GABRG3: variants seen among roughly 807,000 people sequenced by gnomAD.
GABRG3 encodes gamma-aminobutyric acid receptor subunit gamma-3.
GABRG3 carries 25 observed loss-of-function variants against 48.8 expected under a neutral mutation model. That is an observed-to-expected ratio of 0.51 (90% CI 0.37 to 0.72). The LOEUF (loss-of-function observed/expected upper bound fraction) is 0.72. GABRG3 is among the 30% of genes least tolerant of loss of function. GABRG3 has a pLI of 0.00. For missense variants in GABRG3, 394 were observed against 577.9 expected (o/e 0.68, Z 3.26); for synonymous variants, 227 against 217.6 (o/e 1.04, Z -0.38).
At chr15:27,156,361 T>G (rs1898428675) in intron 3 of GABRG3, among the ~76,000 whole-genome samples, 1 of 151,818 alleles carries the variant, frequency 6.6e-6, no homozygotes. Context: ...GGATGCCCCT[T>G]TACTTGTCCT....
chr15:27,134,051 G>A (rs1897965620), intron 3 of GABRG3, among the ~76,000 whole-genome samples: 1 of 152,286 alleles, frequency 6.6e-6, no homozygotes, highest in East Asian at 1.9e-4. Flanking sequence ...GTAATTAAAT[G>A]CTTTGCTGTT....
chr15:27,024,754 C>A (rs1363004450), intron 2 of GABRG3, among the ~76,000 whole-genome samples: 1 of 152,158 alleles, frequency 6.6e-6, no homozygotes, highest in Non-Finnish European at 1.5e-5. Context: ...TGGCCGGGCA[C>A]AGTGGCTCAT....
intron 2 of GABRG3, among the ~76,000 whole-genome samples, chr15:27,003,152 GTTTTTATTTTTTTAT>G (rs1481216088): frequency 1.4e-5 from 2 of 147,394 alleles, no homozygotes; most frequent in Middle Eastern, 3.5e-3. Flanking sequence ...TCATGAAATA[GTTTTTATTTTTTTAT>G]TTTTTATTTT....
intron 3 of GABRG3, among the ~76,000 whole-genome samples, chr15:27,067,705 C>G (rs1896760800): frequency 6.6e-6 from 1 of 152,190 alleles, no homozygotes; most frequent in South Asian, 2.1e-4. Flanking sequence ...GCTTAGGCAC[C>G]TGGAACTTTA....
In GABRG3 at chr15:27,101,982, G is replaced by A. The variant is rs1166629492; in HGVS notation, c.270+75161G>A. Among the ~76,000 whole-genome samples, 7 of 152,064 alleles carry A rather than the reference G, an allele frequency of 4.6e-5. No individual in the cohort carries two copies. The East Asian group carries it at 7.7e-4, about 17-fold the overall frequency. On this transcript the variant is annotated intron_variant, in intron 3 of 9. Transcript: ENST00000615808. Reference sequence around the variant, plus strand: ...GGCCACCAGTTGGACAAGCTTGCCCGAGACTTTAACCTCACATCCTATACA... The same window carrying A: ...GGCCACCAGTTGGACAAGCTTGCCCAAGACTTTAACCTCACATCCTATACA...
chr15:27,091,181 A>G (rs1344894310), intron 3 of GABRG3, among the ~76,000 whole-genome samples: 2 of 152,006 alleles, frequency 1.3e-5, no homozygotes, highest in African/African-American at 2.4e-5. Context: ...TATTGAGTTA[A>G]TTTTTCATCA....
At chr15:27,518,369 C>CAAAAAAAA (rs3058095) in intron 6 of GABRG3, among the ~76,000 whole-genome samples, 5 of 126,898 alleles carry the variant, frequency 3.9e-5, no homozygotes, top group African/African-American at 1.5e-4. Context: ...AACTCTGTCT[C>CAAAAAAAA]AAAAAAAAAA....
At chr15:27,082,304 C>A (rs570181203) in intron 3 of GABRG3, among the ~76,000 whole-genome samples, 22 of 152,184 alleles carry the variant, frequency 1.4e-4, no homozygotes, top group Non-Finnish European at 3.1e-4. Context: ...AGCCTCTTTC[C>A]TGCTTTTCAT....
chr15:27,256,258 T>A (rs190833614), intron 3 of GABRG3, among the ~76,000 whole-genome samples: 1 of 151,272 alleles, frequency 6.6e-6, no homozygotes, highest in Non-Finnish European at 1.5e-5. Flanking sequence ...CTGGCTAACA[T>A]GGTGAAACCC....
chr15:27,168,557 C>T (rs1008400663), intron 3 of GABRG3, among the ~76,000 whole-genome samples: 9 of 152,228 alleles, frequency 5.9e-5, no homozygotes, highest in Admixed American at 4.6e-4. Context: ...AATCCAGAGT[C>T]AGCCCATCAA....
intron 5 of GABRG3, chr15:27,350,006 T>G: frequency 4.8e-5 from 21 of 436,174 alleles, no homozygotes; most frequent in South Asian, 3.3e-4. Flanking sequence ...TCTGGCTACT[T>G]AAATAGTAGC....
At position 27,261,900 on chromosome 15, in the gene GABRG3, T is replaced by C. The variant is rs1890780486; in HGVS notation, c.271-64909T>C. Among the ~76,000 whole-genome samples the C allele has an allele frequency of 3.5e-5, 5 of 143,886 alleles. No individual in the cohort carries two copies. The South Asian group carries it at 1.0e-3, about 30-fold the overall frequency. The allele number at this position is 143,886 out of a possible 152,430, so 94.4% of individuals were successfully genotyped here. On this transcript the variant is annotated intron_variant, in intron 3 of 9. Transcript: ENST00000615808. ...ATAATGTTTCTTCTGTTATTTTCCC[T>C]GTAAGCCTCTGGGTTCCATTTTGGC...
chr15:27,379,637 A>G (rs989391935), intron 5 of GABRG3, among the ~76,000 whole-genome samples: 1 of 152,116 alleles, frequency 6.6e-6, no homozygotes, highest in Non-Finnish European at 1.5e-5. Context: ...CTTAATTTTT[A>G]TCGAAGTCTT....
chr15:27,176,549 C>T (rs759792231), intron 3 of GABRG3, among the ~76,000 whole-genome samples: 25 of 152,182 alleles, frequency 1.6e-4, no homozygotes, highest in Non-Finnish European at 3.2e-4. Flanking sequence ...CAAGTAAAGG[C>T]ATGAGTGATC....
chr15:27,048,008 C>T (rs1254625880), intron 3 of GABRG3, among the ~76,000 whole-genome samples: 4 of 152,158 alleles, frequency 2.6e-5, no homozygotes, highest in Non-Finnish European at 5.9e-5. Flanking sequence ...GAGAATAGGT[C>T]GTTTGCATCC....
chr15:27,284,329 G>A (rs985235618), intron 3 of GABRG3, among the ~76,000 whole-genome samples: 2 of 152,164 alleles, frequency 1.3e-5, no homozygotes, highest in African/African-American at 4.8e-5. Flanking sequence ...AAATTTGTTT[G>A]TAAAAGTCTA....
chr15:27,040,909 A>G (rs1388886072), intron 3 of GABRG3, among the ~76,000 whole-genome samples: 1 of 152,190 alleles, frequency 6.6e-6, no homozygotes, highest in Non-Finnish European at 1.5e-5. Context: ...CGACTCTATC[A>G]TGATAAAACT....
chr15:27,176,155 T>C (rs1887738868), intron 3 of GABRG3, among the ~76,000 whole-genome samples: 1 of 152,222 alleles, frequency 6.6e-6, no homozygotes, highest in African/African-American at 2.4e-5. Flanking sequence ...GCTTTTACTA[T>C]GCTAATGTGT....
At chr15:27,509,799 C>T (rs1430360883) in intron 6 of GABRG3, among the ~76,000 whole-genome samples, 1 of 152,164 alleles carries the variant, frequency 6.6e-6, no homozygotes, top group Admixed American at 6.5e-5. Flanking sequence ...CCATTAGAGC[C>T]ATTAACATAT....
Sources: allele counts gnomAD v4.1 joint callset (sites outside exome capture counted in the v4.1 genomes callset), GRCh38; gene constraint gnomAD v4.1.1; transcripts MANE v1.5; gene names NCBI Gene and HGNC (gene_info 2026-07-23, HGNC 2026-07-21).